Variants in CPA3 observed in about 807,000 individuals in gnomAD.
CPA3 encodes mast cell carboxypeptidase A.
In CPA3, 52 loss-of-function variants were observed where a neutral mutation model predicts 55.8. That is an observed-to-expected ratio of 0.93 (90% CI 0.75 to 1.17). CPA3 has a LOEUF of 1.17. Among genes scored for constraint, CPA3 ranks in the 50% most tolerant of loss-of-function variants. The pLI is 0.00. For synonymous variants in CPA3, 179 were observed against 171.2 expected (o/e 1.05, Z -0.36); for missense variants, 547 against 509.1 (o/e 1.07, Z -0.72).
Position 148,879,799 on chromosome 3 carries a change from G to C in CPA3, c.486G>C (p.Lys162Asn), listed in dbSNP as rs746771498. Residue 162 changes from lysine to asparagine, a missense_variant, in exon 6 of 11, where the codon AAG becomes AAC. Physicochemically the swap from Lys to Asn is moderately conservative, Grantham distance 94. Transcript: ENST00000296046. ...NPLYVLKIGE[K>N]NERRKAIFTD... ...TTACTTTTAAATAGATTGGGGAAAAGAATGAAAGAAGAAAGGCTATTTTTA... is the reference window on the plus strand; with the variant it reads ...TTACTTTTAAATAGATTGGGGAAAACAATGAAAGAAGAAAGGCTATTTTTA... 31 of 1,607,724 alleles carry C rather than the reference G, an allele frequency of 1.9e-5. No homozygotes were observed. The highest frequency in any genetic ancestry group is 2.6e-5 in the Non-Finnish European group (30 of 1,174,390).
At chr3:148,872,780 C>T (rs1179701031) in intron 3 of CPA3, among the ~76,000 whole-genome samples, 2 of 151,990 alleles carry the variant, frequency 1.3e-5, no homozygotes, top group East Asian at 1.9e-4. Context: ...GTTGAAGTTA[C>T]AATTGGTCAT....
intron 9 of CPA3, among the ~76,000 whole-genome samples, chr3:148,884,342 T>C (rs945501791): frequency 6.6e-6 from 1 of 152,214 alleles, no homozygotes; most frequent in Non-Finnish European, 1.5e-5. Flanking sequence ...TTAAGCACCA[T>C]TTTGTTTATA....
intron 9 of CPA3, among the ~76,000 whole-genome samples, chr3:148,884,962 GTA>G (rs1250328811): frequency 6.6e-6 from 1 of 152,124 alleles, no homozygotes; most frequent in African/African-American, 2.4e-5. Context: ...TACGTTATAT[GTA>G]TAGTCTTTTA....
intron 10 of CPA3, among the ~76,000 whole-genome samples, chr3:148,892,691 A>G (rs1291811276): frequency 4.0e-5 from 6 of 149,682 alleles, no homozygotes. Flanking sequence ...AACCAAAGCA[A>G]AACTGTCTGG....
chr3:148,866,699 G>A (rs1236698495), intron 2 of CPA3, among the ~76,000 whole-genome samples: 1 of 152,172 alleles, frequency 6.6e-6, no homozygotes, highest in African/African-American at 2.4e-5. Context: ...CAAAGACTAA[G>A]TAAGCGTTTG....
At position 148,878,675 on chromosome 3, in the gene CPA3, A is replaced by G. The variant is rs146235151; in HGVS notation, c.401A>G (p.Asp134Gly). The G allele has an allele frequency of 8.1e-6, 13 of 1,611,898 alleles. No homozygotes were observed. Among genetic ancestry groups the G allele is most frequent in the African/African-American group, 6.7e-5 (5 of 74,848 alleles). The change falls in exon 5 of 11, where the codon GAT becomes GGT. Residue 134 changes from aspartate (D) to glycine (G), a missense_variant. Transcript: ENST00000296046. Reference protein sequence around the residue: ...KIVAWTEKMMDKYPEMVSRIK... With the variant: ...KIVAWTEKMMGKYPEMVSRIK... ...GTGGCTTGGACTGAAAAGATGATGGATAAGTATCCTGAAATGGTCTCTCGT... is the reference window on the plus strand; with the variant it reads ...GTGGCTTGGACTGAAAAGATGATGGGTAAGTATCCTGAAATGGTCTCTCGT...
chr3:148,877,818 C>G (rs1222858023), intron 3 of CPA3, among the ~76,000 whole-genome samples: 2 of 152,088 alleles, frequency 1.3e-5, no homozygotes, highest in East Asian at 1.9e-4. Context: ...CATTATTATT[C>G]AAGTTTCTCC....
intron 3 of CPA3, among the ~76,000 whole-genome samples, chr3:148,872,783 T>C (rs1041993046): frequency 3.3e-5 from 5 of 152,122 alleles, no homozygotes; most frequent in Non-Finnish European, 7.4e-5. Context: ...GAAGTTACAA[T>C]TGGTCATGTG....
intron 10 of CPA3, among the ~76,000 whole-genome samples, chr3:148,894,185 A>T (rs1450094238): frequency 6.6e-6 from 1 of 152,206 alleles, no homozygotes; most frequent in Non-Finnish European, 1.5e-5. Context: ...GTGATGTTCA[A>T]TGTATGTAGA....
rs145466064 is a variant in CPA3 at position 148,881,458 on chromosome 3, C to T, written c.577-64C>T. On this transcript the variant is annotated intron_variant, in intron 6 of 10. Coordinates refer to ENST00000296046, the MANE Select transcript of CPA3 (RefSeq NM_001870.4). ...TGACTCAAGTTATTACTATTATAAC[C>T]ACAGCTTTCCACATAATAGCTAAAC... 1,152 of 957,024 alleles carry T rather than the reference C, an allele frequency of 1.2e-3. 16 individuals are homozygous for T. The African/African-American group carries it at 0.017, about 14-fold the overall frequency. The allele number at this position is 957,024 out of a possible 1,614,324, so 59.3% of individuals were successfully genotyped here.
chr3:148,873,714 C>T (rs1474990443), intron 3 of CPA3, among the ~76,000 whole-genome samples: 17 of 152,138 alleles, frequency 1.1e-4, no homozygotes, highest in Admixed American at 1.1e-3. Context: ...TCAGACCCTC[C>T]AGGTTCAAAT....
At chr3:148,878,771 T>G in intron 5 of CPA3, 23 bp downstream of exon 5, 1 of 1,325,316 alleles carries the variant, frequency 7.5e-7, no homozygotes, top group Non-Finnish European at 1.1e-6. Context: ...CAAGAACCAC[T>G]AATTCTTATT....
intron 3 of CPA3, among the ~76,000 whole-genome samples, chr3:148,873,604 C>T (rs1049202436): frequency 2.0e-5 from 3 of 152,154 alleles, no homozygotes; most frequent in Non-Finnish European, 2.9e-5. Flanking sequence ...CACCAACCTC[C>T]GAAGACTAAG....
At chr3:148,879,421 T>C (rs1289530707) in intron 5 of CPA3, among the ~76,000 whole-genome samples, 1 of 152,116 alleles carries the variant, frequency 6.6e-6, no homozygotes, top group Non-Finnish European at 1.5e-5. Flanking sequence ...ATCCCCAGTT[T>C]ACACAACCAG....
At chr3:148,883,516 A>C in intron 8 of CPA3, 97 bp from the exon 9 acceptor site, 1 of 1,025,256 alleles carries the variant, frequency 9.8e-7, no homozygotes, top group Admixed American at 2.0e-5. Flanking sequence ...AGGCAAAAAC[A>C]TTTAAAACAT....
intron 3 of CPA3, among the ~76,000 whole-genome samples, chr3:148,874,655 C>T (rs1714162145): frequency 6.6e-6 from 1 of 152,128 alleles, no homozygotes; most frequent in African/African-American, 2.4e-5. Context: ...TATTCATGAG[C>T]AGTACTTGGT....
chr3:148,892,474 G>A (rs1293213304), intron 10 of CPA3, among the ~76,000 whole-genome samples: 1 of 152,012 alleles, frequency 6.6e-6, no homozygotes, highest in Non-Finnish European at 1.5e-5. Context: ...CCAACATGGT[G>A]AAACCCGGTC....
At chr3:148,881,107 A>G (rs576504176) in intron 6 of CPA3, among the ~76,000 whole-genome samples, 183 of 152,296 alleles carry the variant, frequency 1.2e-3, no homozygotes, top group Middle Eastern at 3.4e-3. Context: ...GCTTATAACT[A>G]TCTCACAAAT....
intron 3 of CPA3, among the ~76,000 whole-genome samples, chr3:148,870,929 C>T (rs868458418): frequency 1.4e-4 from 22 of 152,244 alleles, no homozygotes; most frequent in Middle Eastern, 3.4e-3. Context: ...GATGAAGTCT[C>T]GCTCTGTCAC....
Sources: gnomAD v4.1 joint callset for allele counts (sites outside exome capture counted in the v4.1 genomes callset) on GRCh38, gnomAD v4.1.1 for gene constraint, MANE v1.5 for transcripts, NCBI Gene and HGNC (gene_info 2026-07-23, HGNC 2026-07-21) for gene names.